Variants in DPRX observed in about 807,000 individuals in gnomAD.
DPRX encodes the protein divergent-paired related homeobox.
In DPRX, 11 loss-of-function variants were observed where a neutral mutation model predicts 8.4. The ratio of observed to expected loss-of-function variants is 1.31; its 90% CI spans 0.82 to 2.17. DPRX has a LOEUF of 2.17. Among genes scored for constraint, DPRX ranks in the 30% most tolerant of loss-of-function variants. DPRX has a pLI of 0.00. For missense variants in DPRX, 211 were observed against 236.7 expected (o/e 0.89, Z 0.71); for synonymous variants, 72 against 87.0 (o/e 0.83, Z 0.96).
the DPRX span, among the ~76,000 whole-genome samples, chr19:53,612,444 C>T: frequency 1.3e-5 from 2 of 152,084 alleles, no homozygotes; most frequent in African/African-American, 2.4e-5. Context: ...CAGTGGCTCA[C>T]GCCTGTAATC....
At chr19:53,607,881 TAAAA>T in the DPRX span, among the ~76,000 whole-genome samples, 1 of 131,430 alleles carries the variant, frequency 7.6e-6, no homozygotes, top group African/African-American at 2.9e-5. Context: ...AATTTGAAAA[TAAAA>T]AAACAGGCCA....
chr19:53,634,288 G>C (rs1036891107), intron 1 of DPRX, among the ~76,000 whole-genome samples: 4 of 152,048 alleles, frequency 2.6e-5, no homozygotes, highest in African/African-American at 9.7e-5. Context: ...AAAATTATCC[G>C]GGCATGGTGG....
chr19:53,614,209 C>G, the DPRX span, among the ~76,000 whole-genome samples: 1 of 152,114 alleles, frequency 6.6e-6, no homozygotes, highest in South Asian at 2.1e-4. Flanking sequence ...CTCGGCCTCC[C>G]AAAGTGCTGG....
chr19:53,620,286 G>C, the DPRX span, among the ~76,000 whole-genome samples: 1 of 151,876 alleles, frequency 6.6e-6, no homozygotes, highest in African/African-American at 2.4e-5. Context: ...AGCCAGGATG[G>C]TCTCGATCTC....
upstream of DPRX, among the ~76,000 whole-genome samples, chr19:53,631,510 T>A (rs2091092603): frequency 1.3e-5 from 2 of 151,980 alleles, no homozygotes; most frequent in South Asian, 4.1e-4. Context: ...ATGGAAATCA[T>A]CAGATCCCAC....
chr19:53,617,550 C>T, the DPRX span, among the ~76,000 whole-genome samples: 13 of 139,658 alleles, frequency 9.3e-5, no homozygotes, highest in East Asian at 2.3e-3. Flanking sequence ...AAGAGTAAAT[C>T]TCCGTCTCAC....
the DPRX span, among the ~76,000 whole-genome samples, chr19:53,618,085 T>TGAGCCTA: frequency 6.7e-6 from 1 of 150,080 alleles, no homozygotes; most frequent in African/African-American, 2.5e-5. Context: ...GAGGCTGCAG[T>TGAGCCTA]GAGCCTAGAT....
the DPRX span, among the ~76,000 whole-genome samples, chr19:53,622,562 G>T: frequency 4.6e-5 from 7 of 152,222 alleles, no homozygotes; most frequent in South Asian, 1.2e-3. Flanking sequence ...TGGGCATGGG[G>T]AATTCTCTGA....
the DPRX span, chr19:53,616,958 T>C: frequency 7.9e-7 from 1 of 1,264,620 alleles, no homozygotes; most frequent in Non-Finnish European, 1.2e-6. Context: ...GTTTATGATG[T>C]TACGGTTGAA....
the DPRX span, among the ~76,000 whole-genome samples, chr19:53,626,970 G>A: frequency 6.6e-6 from 1 of 152,040 alleles, no homozygotes; most frequent in Non-Finnish European, 1.5e-5. Context: ...CCAAAGTGCT[G>A]GGGTTGACTG....
chr19:53,613,050 TG>T, the DPRX span, among the ~76,000 whole-genome samples: 2 of 152,064 alleles, frequency 1.3e-5, no homozygotes, highest in African/African-American at 4.8e-5. Flanking sequence ...TGGCAGGATT[TG>T]GGGAAAAGGG....
chr19:53,616,126 T>C, the DPRX span, among the ~76,000 whole-genome samples: 3 of 151,682 alleles, frequency 2.0e-5, no homozygotes, highest in Non-Finnish European at 4.4e-5. Flanking sequence ...GTGGTGCATG[T>C]CTGTAATCCC....
At chr19:53,625,037 T>C in the DPRX span, among the ~76,000 whole-genome samples, 1 of 147,270 alleles carries the variant, frequency 6.8e-6, no homozygotes, top group African/African-American at 2.5e-5. Flanking sequence ...TAAAGGACAA[T>C]AGCAGATCAA....
chr19:53,601,297 G>T, the DPRX span: 10 of 456,422 alleles, frequency 2.2e-5, no homozygotes, highest in Admixed American at 2.4e-4. Context: ...TTGGGCCCAG[G>T]TCTCAGTGGT....
At chr19:53,619,674 T>G in the DPRX span, among the ~76,000 whole-genome samples, 1 of 117,616 alleles carries the variant, frequency 8.5e-6, no homozygotes, top group Non-Finnish European at 1.7e-5. Flanking sequence ...AAACTTCATC[T>G]CAAAAAAAAA....
the DPRX span, among the ~76,000 whole-genome samples, chr19:53,607,248 C>T: frequency 3.9e-5 from 6 of 152,302 alleles, no homozygotes; most frequent in African/African-American, 9.6e-5. Flanking sequence ...CACCCCAGGC[C>T]CCACTCCTGT....
the DPRX span, among the ~76,000 whole-genome samples, chr19:53,614,007 A>G: frequency 6.6e-6 from 1 of 150,764 alleles, no homozygotes; most frequent in African/African-American, 2.4e-5. Context: ...GCTGGAGTGC[A>G]GTGGCCTGAT....
chr19:53,636,513 A>G (rs989513793), intron 2 of DPRX, 83 bp from the exon 3 acceptor site: 3 of 1,151,392 alleles, frequency 2.6e-6, no homozygotes, highest in Non-Finnish European at 3.4e-6. Flanking sequence ...AACAAAATAA[A>G]AATTAAAAAG....
chr19:53,605,444 T>C, the DPRX span, among the ~76,000 whole-genome samples: 1 of 151,416 alleles, frequency 6.6e-6, no homozygotes. Flanking sequence ...TGGCGCGATC[T>C]TAGCTCACAG....
Sources: allele counts gnomAD v4.1 joint callset (sites outside exome capture counted in the v4.1 genomes callset), GRCh38; gene constraint gnomAD v4.1.1; transcripts MANE v1.5; gene names NCBI Gene and HGNC (gene_info 2026-07-23, HGNC 2026-07-21).